The following VDAC3 variants were observed in gnomAD, a reference collection of about 807,000 sequenced individuals.
The protein encoded by VDAC3 is non-selective voltage-gated ion channel VDAC3.
VDAC3 carries 7 observed loss-of-function variants against 33.9 expected under a neutral mutation model. The ratio of observed to expected loss-of-function variants is 0.21; its 90% CI spans 0.12 to 0.39. The LOEUF is 0.39. VDAC3 is among the 10% of genes least tolerant of loss of function. The probability of loss-of-function intolerance (pLI) is 1.00; values close to 1 mark genes in which losing one functional copy is unlikely to be tolerated. For missense variants in VDAC3, 261 were observed against 334.5 expected (o/e 0.78, Z 1.71); for synonymous variants, 100 against 122.4 (o/e 0.82, Z 1.21).
In VDAC3 at chr8:42,391,947, G is replaced by T. The variant is rs1824873742; in HGVS notation, c.-43+19G>T. 1 of 152,424 alleles carries T rather than the reference G, an allele frequency of 6.6e-6. No homozygotes were observed. Among genetic ancestry groups the T allele is most frequent in the African/African-American group, 2.4e-5 (1 of 41,448 alleles). 9.4% of individuals were successfully genotyped at this position (152,424 alleles called of 1,614,324 possible). The stretch of plus-strand genomic sequence containing the variant: ...GGTGGAGGTGAGGAGAGCTGAGGCC[G>T]CGCGGGCTCCAGTCCCGGAGAGCGG... On this transcript the variant is annotated intron_variant, in intron 1 of 9. Transcript: ENST00000022615.
chr8:42,399,533 C>A, intron 5 of VDAC3, 118 bp from the exon 6 acceptor site: 1 of 849,942 alleles, frequency 1.2e-6, no homozygotes. Context: ...TAATATTTTG[C>A]TTTCTTGAAT....
At position 42,403,376 on chromosome 8, in the gene VDAC3, T is replaced by C; in HGVS notation, c.617T>C (p.Ile206Thr). 6.2e-7 allele frequency: 1 copy of C among 1,613,908 alleles called. No homozygotes were observed. Among genetic ancestry groups the C allele is most frequent in the Non-Finnish European group, 8.5e-7 (1 of 1,179,964 alleles). Reference sequence around the variant, plus strand: ...GTGAATGAGAAGATTGAAACATCCATAAACCTTGCTTGGACAGCTGGGAGT... The same window carrying C: ...GTGAATGAGAAGATTGAAACATCCACAAACCTTGCTTGGACAGCTGGGAGT... ...QKVNEKIETS[I>T]NLAWTAGSNN... The change falls in exon 8 of 10, where the codon ATA (isoleucine) becomes ACA (threonine). Residue 206 changes from isoleucine (I) to threonine (T), a missense_variant. Transcript: ENST00000022615.
At chr8:42,399,928 A>G (rs913295991) in intron 6 of VDAC3, among the ~76,000 whole-genome samples, 1 of 152,238 alleles carries the variant, frequency 6.6e-6, no homozygotes, top group South Asian at 2.1e-4. Flanking sequence ...AAATGTATAA[A>G]TGTATTTGAG....
chr8:42,405,246 C>T (rs1802479807), intron 9 of VDAC3, 125 bp from the exon 10 acceptor site: 2 of 730,496 alleles, frequency 2.7e-6, no homozygotes, highest in Non-Finnish European at 4.6e-6. Context: ...TGAGTAATAG[C>T]TGTTTGCTTA....
intron 7 of VDAC3, 111 bp from the exon 8 acceptor site, chr8:42,403,200 T>TA (rs1202645782): frequency 3.0e-6 from 4 of 1,329,902 alleles, no homozygotes; most frequent in Non-Finnish European, 2.1e-6. Context: ...TGCTGAAATC[T>TA]ATAGTTACAA....
At chr8:42,405,281 C>A in intron 9 of VDAC3, 90 bp from the exon 10 acceptor site, 1 of 1,074,322 alleles carries the variant, frequency 9.3e-7, no homozygotes, top group Non-Finnish European at 1.4e-6. Context: ...AGCTACAATC[C>A]ACACCATTGA....
At position 42,403,340 on chromosome 8, in the gene VDAC3, T is replaced by G. The variant is rs774825814; in HGVS notation, c.581T>G (p.Ile194Ser). Residue 194 changes from isoleucine (I) to serine (S), a missense_variant, in exon 8 of 10, where the codon ATC becomes AGC. Physicochemically the swap from Ile to Ser is moderately radical, Grantham distance 142. Transcript: ENST00000022615. ...GATGGCACTGAATTTGGAGGTTCTA[T>G]CTACCAGAAGGTGAATGAGAAGATT... ...VNDGTEFGGS[I>S]YQKVNEKIET... The G allele has an allele frequency of 6.2e-7, 1 of 1,614,136 alleles. No homozygotes were observed. The highest frequency in any genetic ancestry group is 8.5e-7 in the Non-Finnish European group (1 of 1,180,032).
At chr8:42,399,805 C>A in intron 6 of VDAC3, 102 bp downstream of exon 6, 1 of 1,088,306 alleles carries the variant, frequency 9.2e-7, no homozygotes, top group Non-Finnish European at 1.4e-6. Flanking sequence ...GCAGGAAGAA[C>A]TCAGAAGGTT....
Position 42,403,401 on chromosome 8 carries a change from T to C in VDAC3, c.642T>C (p.Ser214=). 1 of 1,611,398 alleles carries C rather than the reference T, an allele frequency of 6.2e-7. No individual in the cohort carries two copies. The highest frequency in any genetic ancestry group is 1.1e-5 in the South Asian group (1 of 90,326). Reference sequence around the variant, plus strand: ...TAAACCTTGCTTGGACAGCTGGGAGTAACAACACCCGTTTTGGCATTGCTG... The same window carrying C: ...TAAACCTTGCTTGGACAGCTGGGAGCAACAACACCCGTTTTGGCATTGCTG... ...TSINLAWTAG[S]NNTRFGIAAK... Residue 214 remains serine, a synonymous_variant, in exon 8 of 10, where the codon AGT becomes AGC. Coordinates refer to ENST00000022615, the MANE Select transcript of VDAC3 (RefSeq NM_005662.7).
At chr8:42,402,116 T>G (rs1802425462) in intron 7 of VDAC3, 101 bp downstream of exon 7, 2 of 1,243,622 alleles carry the variant, frequency 1.6e-6, no homozygotes, top group South Asian at 2.7e-5. Flanking sequence ...TAGCATGCCT[T>G]GGTGAATATC....
At chr8:42,404,746 G>T in intron 8 of VDAC3, 121 bp from the exon 9 acceptor site, 63 of 518,924 alleles carry the variant, frequency 1.2e-4, no homozygotes, top group Non-Finnish European at 1.7e-4. Flanking sequence ...AAAAAAATCA[G>T]TAATTCTAGA....
intron 5 of VDAC3, 105 bp from the exon 6 acceptor site, chr8:42,399,546 C>A: frequency 9.8e-7 from 1 of 1,025,408 alleles, no homozygotes; most frequent in Non-Finnish European, 1.4e-6. Flanking sequence ...TCTTGAATGA[C>A]TCCTTTTTTT....
At chr8:42,393,630 A>G (rs1802249020) in intron 1 of VDAC3, among the ~76,000 whole-genome samples, 1 of 152,228 alleles carries the variant, frequency 6.6e-6, no homozygotes, top group South Asian at 2.1e-4. Context: ...AGGTTGCTGC[A>G]GGTAGAATCT....
At chr8:42,395,283 TTAAAA>T (rs769103043) in intron 4 of VDAC3, 150 bp downstream of exon 4, 103 of 1,242,010 alleles carry the variant, frequency 8.3e-5, no homozygotes, top group Admixed American at 2.5e-4. Context: ...TCTTAGCCAA[TTAAAA>T]TAAACAACCA....
chr8:42,405,164 C>G (rs1328113063), intron 9 of VDAC3, among the ~76,000 whole-genome samples: 1 of 152,140 alleles, frequency 6.6e-6, no homozygotes, highest in Non-Finnish European at 1.5e-5. Flanking sequence ...TGCCCTTAAC[C>G]CTGAACTTCA....
At chr8:42,401,158 A>G (rs1802408880) in intron 6 of VDAC3, among the ~76,000 whole-genome samples, 1 of 152,176 alleles carries the variant, frequency 6.6e-6, no homozygotes, top group Non-Finnish European at 1.5e-5. Flanking sequence ...CTGTATACAT[A>G]CACCTTCAGA....
chr8:42,399,684 A>G lies in VDAC3; in HGVS notation c.304A>G (p.Ile102Val). Residue 102 changes from isoleucine (I) to valine (V), a missense_variant, in exon 6 of 10, where the codon ATA (isoleucine) becomes GTA (valine). Physicochemically the swap from Ile to Val is conservative, Grantham distance 29 (BLOSUM62 3). Coordinates refer to ENST00000022615, the MANE Select transcript of VDAC3 (RefSeq NM_005662.7). ...AGGGTTGAAACTGACTCTTGATACC[A>G]TATTTGTACCGAACACAGGGTAATT... is the stretch of plus-strand genomic sequence containing the variant. Reference protein sequence around the residue: ...AEGLKLTLDTIFVPNTGKKSG... With the variant: ...AEGLKLTLDTVFVPNTGKKSG... The G allele has an allele frequency of 6.2e-7, 1 of 1,612,266 alleles. No individual in the cohort carries two copies. Among genetic ancestry groups the G allele is most frequent in the African/African-American group, 1.3e-5 (1 of 75,028 alleles).
At chr8:42,396,689 A>G in intron 4 of VDAC3, 2 of 691,176 alleles carry the variant, frequency 2.9e-6, no homozygotes, top group Non-Finnish European at 2.6e-6. Context: ...TGGTAAGAAA[A>G]AAAAGCTTAT....
rs189807152 is a variant in VDAC3, at chr8:42,401,377, A to G, written c.324-411A>G. Among the ~76,000 whole-genome samples, 1,086 of 152,222 alleles carry G rather than the reference A, an allele frequency of 7.1e-3. 4 individuals are homozygous for G. The highest frequency in any genetic ancestry group is 0.012 in the Non-Finnish European group (825 of 68,014). ...ACGCCCAGCTAATTTTTGTATTTTT[A>G]GTAGAAACGGGGTTTCACCATGTTG... On this transcript the variant is annotated intron_variant, in intron 6 of 9. Transcript: ENST00000022615.
Sources: allele counts gnomAD v4.1 joint callset (sites outside exome capture counted in the v4.1 genomes callset), GRCh38; gene constraint gnomAD v4.1.1; transcripts MANE v1.5; gene names NCBI Gene and HGNC (gene_info 2026-07-23, HGNC 2026-07-21).